Variants in GRIN2A observed in about 807,000 individuals in gnomAD.
GRIN2A encodes glutamate ionotropic receptor NMDA type subunit 2A.
In GRIN2A, 22 loss-of-function variants were observed where a neutral mutation model predicts 113.4. The ratio of observed to expected loss-of-function variants is 0.19; its 90% CI spans 0.14 to 0.28. GRIN2A has a LOEUF of 0.28. Among genes scored for constraint, GRIN2A ranks in the 10% least tolerant of loss-of-function variants. GRIN2A has a pLI of 1.00. For missense variants in GRIN2A, 1,502 were observed against 1,887.0 expected, an observed-to-expected ratio of 0.80 and a Z score of 3.78; for synonymous variants, 827 against 738.4, an observed-to-expected ratio of 1.12 and a Z score of -1.94.
intron 5 of GRIN2A, 130 bp from the exon 6 acceptor site, chr16:9,841,234 G>A (rs1358389734): frequency 1.2e-5 from 9 of 769,816 alleles, no homozygotes; most frequent in South Asian, 1.2e-4. Context: ...CTTTCCCAAG[G>A]ACACACTGTG....
chr16:10,076,451 G>T (rs13331085), intron 2 of GRIN2A, among the ~76,000 whole-genome samples: 21,115 of 152,076 alleles, frequency 0.14, 1,967 homozygotes, highest in African/African-American at 0.26. Flanking sequence ...GCAGGGTTAG[G>T]GTCTGCCATG....
At chr16:9,990,549 G>A (rs755371735) in intron 2 of GRIN2A, among the ~76,000 whole-genome samples, 23 of 91,914 alleles carry the variant, frequency 2.5e-4, no homozygotes, top group Admixed American at 5.8e-4. Context: ...CTCTACACGC[G>A]CGCGCGCGCG....
At chr16:9,795,787 G>A (rs985346920) in intron 11 of GRIN2A, among the ~76,000 whole-genome samples, 4 of 152,192 alleles carry the variant, frequency 2.6e-5, no homozygotes, top group Non-Finnish European at 1.5e-5. Flanking sequence ...TTCTTTCATA[G>A]AAGTATTTGT....
chr16:10,173,073 C>T (rs1178419190), intron 2 of GRIN2A, among the ~76,000 whole-genome samples: 1 of 152,160 alleles, frequency 6.6e-6, no homozygotes, highest in East Asian at 1.9e-4. Flanking sequence ...CTGAGGGCTA[C>T]TTGGAGTGTG....
At chr16:9,800,151 T>G (rs1481131352) in intron 10 of GRIN2A, among the ~76,000 whole-genome samples, 6 of 152,158 alleles carry the variant, frequency 3.9e-5, no homozygotes, top group African/African-American at 1.4e-4. Flanking sequence ...ATTTTTATAT[T>G]TTTAGTAGAG....
intron 2 of GRIN2A, among the ~76,000 whole-genome samples, chr16:10,012,912 G>A (rs867371819): frequency 6.6e-6 from 1 of 152,224 alleles, no homozygotes; most frequent in Non-Finnish European, 1.5e-5. Flanking sequence ...GTAAGTTTGC[G>A]GTAATTTATT....
intron 2 of GRIN2A, among the ~76,000 whole-genome samples, chr16:10,029,556 G>T (rs1008718692): frequency 6.6e-6 from 1 of 152,164 alleles, no homozygotes; most frequent in South Asian, 2.1e-4. Context: ...ACAGTAAACA[G>T]TAAAACATAA....
chr16:9,964,332 C>T (rs1023684459), intron 2 of GRIN2A, among the ~76,000 whole-genome samples: 3 of 152,200 alleles, frequency 2.0e-5, no homozygotes, highest in African/African-American at 4.8e-5. Flanking sequence ...ATTACTCAGC[C>T]TTGAATTCTT....
rs548220021 is a variant in GRIN2A, at chr16:9,932,388, T to A, written c.1007+5571A>T. Among the ~76,000 whole-genome samples the A allele has an allele frequency of 2.6e-5, 4 of 152,310 alleles. 1 individual carries two copies. In the South Asian group the frequency reaches 8.3e-4, roughly 32 times the overall value. On this transcript the variant is annotated intron_variant, in intron 3 of 12. Transcript: ENST00000330684. Reference sequence around the variant, plus strand: ...TTTCATTTTTATTTTATTTTATTTTTTTTGAGAGACTGGGTCTTGCTCTGT... The same window carrying A: ...TTTCATTTTTATTTTATTTTATTTTATTTGAGAGACTGGGTCTTGCTCTGT...
chr16:9,770,912 T>G (rs1236466674), intron 11 of GRIN2A, among the ~76,000 whole-genome samples: 1 of 152,222 alleles, frequency 6.6e-6, no homozygotes, highest in Admixed American at 6.5e-5. Flanking sequence ...TGTGGTACAG[T>G]TTTTACAGTT....
chr16:10,140,740 C>G (rs2049310764), intron 2 of GRIN2A, among the ~76,000 whole-genome samples: 1 of 152,128 alleles, frequency 6.6e-6, no homozygotes, highest in African/African-American at 2.4e-5. Flanking sequence ...AAGAGGAGTC[C>G]AATCAGAGTT....
At chr16:10,083,052 G>T (rs1395969738) in intron 2 of GRIN2A, among the ~76,000 whole-genome samples, 2 of 152,134 alleles carry the variant, frequency 1.3e-5, no homozygotes, top group African/African-American at 2.4e-5. Context: ...AGTGAGCATA[G>T]GAAGAGGAAC....
intron 9 of GRIN2A, among the ~76,000 whole-genome samples, chr16:9,829,095 C>T (rs775894160): frequency 2.6e-5 from 4 of 152,076 alleles, no homozygotes; most frequent in African/African-American, 4.8e-5. Flanking sequence ...ATCACACATT[C>T]GAAAGGATGA....
chr16:9,975,910 C>T (rs981917401), intron 2 of GRIN2A, among the ~76,000 whole-genome samples: 8 of 152,078 alleles, frequency 5.3e-5, no homozygotes, highest in Admixed American at 1.3e-4. Flanking sequence ...ACAGTATTCC[C>T]GGAGGGGCAT....
intron 2 of GRIN2A, among the ~76,000 whole-genome samples, chr16:10,086,698 C>CATGT (rs1158385016): frequency 6.6e-6 from 1 of 151,918 alleles, no homozygotes; most frequent in East Asian, 1.9e-4. Context: ...TACACAGGAC[C>CATGT]ATGTACCAGG....
At chr16:10,103,944 T>G (rs1452923073) in intron 2 of GRIN2A, among the ~76,000 whole-genome samples, 3 of 152,234 alleles carry the variant, frequency 2.0e-5, no homozygotes, top group African/African-American at 7.2e-5. Context: ...ATCCTTTTGT[T>G]GATGTTATTC....
At chr16:9,859,211 C>G (rs2043020257) in intron 4 of GRIN2A, among the ~76,000 whole-genome samples, 1 of 151,138 alleles carries the variant, frequency 6.6e-6, no homozygotes, top group Admixed American at 6.6e-5. Context: ...ACACATCTGC[C>G]TTTGCACACA....
At chr16:9,929,374 T>G (rs761428651) in intron 3 of GRIN2A, among the ~76,000 whole-genome samples, 3 of 152,206 alleles carry the variant, frequency 2.0e-5, no homozygotes, top group African/African-American at 4.8e-5. Context: ...TTTCTTCTGT[T>G]TAGTAAAAGA....
chr16:9,893,162 T>A (rs967570572), intron 3 of GRIN2A, among the ~76,000 whole-genome samples: 1 of 152,166 alleles, frequency 6.6e-6, no homozygotes, highest in Non-Finnish European at 1.5e-5. Context: ...ACCATTCGGG[T>A]CATTGAAAAT....
Sources: allele counts gnomAD v4.1 joint callset (sites outside exome capture counted in the v4.1 genomes callset), GRCh38; gene constraint gnomAD v4.1.1; transcripts MANE v1.5; gene names NCBI Gene and HGNC (gene_info 2026-07-23, HGNC 2026-07-21).